Variants in ADGRL2 observed in about 807,000 individuals in gnomAD.
ADGRL2 encodes adhesion G protein-coupled receptor L2.
Under a neutral mutation model 157.4 loss-of-function variants are expected in ADGRL2, and 44 were observed. That is an observed-to-expected ratio of 0.28 (90% CI 0.22 to 0.36). The LOEUF is 0.36. ADGRL2 is among the 10% of genes least tolerant of loss of function. The pLI is 1.00. For missense variants in ADGRL2, 1,510 were observed against 1,768.9 expected (o/e 0.85, Z 2.63); for synonymous variants, 585 against 624.7 (o/e 0.94, Z 0.95).
intron 2 of ADGRL2, among the ~76,000 whole-genome samples, chr1:81,576,466 C>G (rs746878516): frequency 3.9e-5 from 6 of 152,048 alleles, no homozygotes; most frequent in African/African-American, 1.5e-4. Context: ...ATAATTAAAA[C>G]TTGTGCTATT....
intron 1 of ADGRL2, among the ~76,000 whole-genome samples, chr1:81,415,266 T>C (rs567992678): frequency 6.6e-6 from 1 of 152,238 alleles, no homozygotes; most frequent in East Asian, 1.9e-4. Flanking sequence ...CACGGAAGAA[T>C]TTTGAATGAC....
intron 2 of ADGRL2, among the ~76,000 whole-genome samples, chr1:81,535,545 TG>T (rs1391323278): frequency 6.6e-6 from 1 of 152,106 alleles, no homozygotes; most frequent in African/African-American, 2.4e-5. Flanking sequence ...AGTGGTTTGA[TG>T]TAGAAGGGAG....
intron 21 of ADGRL2, among the ~76,000 whole-genome samples, chr1:81,986,139 TAATC>T (rs1340447226): frequency 6.6e-6 from 1 of 152,086 alleles, no homozygotes; most frequent in Non-Finnish European, 1.5e-5. Flanking sequence ...ATGCAAAACA[TAATC>T]AGTAAGTATT....
At chr1:81,689,588 C>G (rs975866630) in intron 3 of ADGRL2, among the ~76,000 whole-genome samples, 2 of 152,178 alleles carry the variant, frequency 1.3e-5, no homozygotes, top group African/African-American at 4.8e-5. Context: ...ATGACTGTGA[C>G]CCTTTGGCAA....
intron 1 of ADGRL2, among the ~76,000 whole-genome samples, chr1:81,418,011 A>G (rs1315169364): frequency 6.6e-6 from 1 of 152,186 alleles, no homozygotes; most frequent in Non-Finnish European, 1.5e-5. Flanking sequence ...AATGACAGGC[A>G]ATTGTGAAAT....
intron 3 of ADGRL2, among the ~76,000 whole-genome samples, chr1:81,933,548 C>T (rs1471713477): frequency 8.5e-5 from 13 of 152,112 alleles, no homozygotes; most frequent in Admixed American, 6.5e-4. Flanking sequence ...GAGCCCTTGG[C>T]GGGAATTTAC....
intron 1 of ADGRL2, among the ~76,000 whole-genome samples, chr1:81,316,936 C>A (rs950809700): frequency 1.3e-5 from 2 of 152,154 alleles, no homozygotes; most frequent in African/African-American, 4.8e-5. Context: ...GTTGGGAAAG[C>A]GCAAATGGAA....
chr1:81,563,501 G>T (rs7532313), intron 2 of ADGRL2, among the ~76,000 whole-genome samples: 17,076 of 152,054 alleles, frequency 0.11, 1,682 homozygotes, highest in East Asian at 0.32. Flanking sequence ...ATAAACAATG[G>T]ACTTGTTTTA....
At chr1:81,329,032 C>G (rs1400678943) in intron 1 of ADGRL2, among the ~76,000 whole-genome samples, 5 of 151,698 alleles carry the variant, frequency 3.3e-5, no homozygotes, top group Non-Finnish European at 7.4e-5. Flanking sequence ...ACCCAATTAA[C>G]AGTAGTAACT....
intron 1 of ADGRL2, among the ~76,000 whole-genome samples, chr1:81,340,877 T>C (rs1662020439): frequency 1.3e-5 from 2 of 149,378 alleles, no homozygotes; most frequent in South Asian, 2.1e-4. Context: ...TCATGGAAAG[T>C]TGTGAGGGAG....
intron 1 of ADGRL2, among the ~76,000 whole-genome samples, chr1:81,726,975 T>C (rs1328707515): frequency 6.6e-6 from 1 of 152,242 alleles, no homozygotes; most frequent in African/African-American, 2.4e-5. Flanking sequence ...TTAAATTTCA[T>C]GTGGCATTTT....
At chr1:81,840,920 T>C (rs12732979) in intron 2 of ADGRL2, among the ~76,000 whole-genome samples, 21,336 of 152,092 alleles carry the variant, frequency 0.14, 1,661 homozygotes, top group East Asian at 0.2. Context: ...CCAGTTTTTA[T>C]AAGCATAGTA....
intron 3 of ADGRL2, among the ~76,000 whole-genome samples, chr1:81,609,041 A>ATT (rs11348276): frequency 4.8e-5 from 7 of 146,002 alleles, no homozygotes; most frequent in African/African-American, 1.8e-4. Flanking sequence ...TGTACAAGTG[A>ATT]TTTTTTTTTT....
chr1:81,960,022 A>T (rs1252201823), intron 11 of ADGRL2, among the ~76,000 whole-genome samples: 1 of 151,880 alleles, frequency 6.6e-6, no homozygotes, highest in African/African-American at 2.4e-5. Context: ...CTGGTCTCAC[A>T]CTCCTGACCT....
intron 17 of ADGRL2, among the ~76,000 whole-genome samples, chr1:81,973,115 G>T (rs1173820310): frequency 6.6e-6 from 1 of 151,934 alleles, no homozygotes; most frequent in Non-Finnish European, 1.5e-5. Context: ...GTACTTGAAG[G>T]AAACTTAAAA....
intron 3 of ADGRL2, among the ~76,000 whole-genome samples, chr1:81,929,514 T>C (rs1572182914): frequency 6.6e-6 from 1 of 152,180 alleles, no homozygotes; most frequent in East Asian, 1.9e-4. Flanking sequence ...AGACTATTGA[T>C]TAAAACACCT....
intron 22 of ADGRL2, 191 bp downstream of exon 22, chr1:81,987,220 A>G (rs1474933784): frequency 1.4e-6 from 2 of 1,381,704 alleles, no homozygotes; most frequent in Non-Finnish European, 2.0e-6. Context: ...AAGCTCAGTC[A>G]TGATAGTATT....
At chr1:81,820,114 T>A (rs1349637954) in intron 1 of ADGRL2, among the ~76,000 whole-genome samples, 1 of 152,220 alleles carries the variant, frequency 6.6e-6, no homozygotes, top group African/African-American at 2.4e-5. Flanking sequence ...CTTTGTATCA[T>A]GTTAATTATG....
chr1:81,514,580 A>C (rs183621825), intron 2 of ADGRL2: 43 of 152,284 alleles, frequency 2.8e-4, no homozygotes, highest in Admixed American at 2.1e-3. Flanking sequence ...CCTTCCAAAC[A>C]CTAGAATATT....
Sources: allele counts gnomAD v4.1 joint callset (sites outside exome capture counted in the v4.1 genomes callset), GRCh38; gene constraint gnomAD v4.1.1; transcripts MANE v1.5; gene names NCBI Gene and HGNC (gene_info 2026-07-23, HGNC 2026-07-21).